The following CTBP2 variants were observed in gnomAD, a reference collection of about 807,000 sequenced individuals.
The protein encoded by CTBP2 is C-terminal-binding protein 2.
In CTBP2, 30 loss-of-function variants were observed where a neutral mutation model predicts 80.3. The observed-to-expected ratio is 0.37, with a 90% CI of 0.28 to 0.51. The LOEUF is 0.51. Ranked by LOEUF, CTBP2 falls within the 20% of genes least tolerant of loss-of-function variation. The pLI is 0.93. For synonymous variants in CTBP2, 594 were observed against 587.4 expected, an observed-to-expected ratio of 1.01 and a Z score of -0.16; for missense variants, 1,212 against 1,375.3, an observed-to-expected ratio of 0.88 and a Z score of 1.88.
At chr10:125,025,077 G>A (rs924280417) in intron 1 of CTBP2, among the ~76,000 whole-genome samples, 2 of 152,084 alleles carry the variant, frequency 1.3e-5, no homozygotes, top group Non-Finnish European at 2.9e-5. Flanking sequence ...CCCGCCTACA[G>A]CTGCTTCAGG....
At chr10:125,127,496 A>T (rs1564985633) in intron 1 of CTBP2, among the ~76,000 whole-genome samples, 1 of 152,332 alleles carries the variant, frequency 6.6e-6, no homozygotes, top group South Asian at 2.1e-4. Flanking sequence ...TTTTGGGAGA[A>T]CAGACCTGTA....
intron 1 of CTBP2, among the ~76,000 whole-genome samples, chr10:125,115,044 C>T (rs1163128769): frequency 6.6e-6 from 1 of 152,122 alleles, no homozygotes; most frequent in African/African-American, 2.4e-5. Flanking sequence ...ACTACTGTCC[C>T]GCCGTGGATG....
intron 1 of CTBP2, among the ~76,000 whole-genome samples, chr10:125,011,044 T>C (rs1199021229): frequency 6.6e-6 from 1 of 152,210 alleles, no homozygotes; most frequent in South Asian, 2.1e-4. Flanking sequence ...TCCCTCAAGT[T>C]CCCCCTGCTT....
chr10:125,144,579 A>G (rs1435565745), intron 1 of CTBP2, among the ~76,000 whole-genome samples: 2 of 152,220 alleles, frequency 1.3e-5, no homozygotes, highest in East Asian at 3.8e-4. Flanking sequence ...GTTCTAAAAC[A>G]GCAGGTATCA....
chr10:125,136,843 G>A lies in CTBP2; in HGVS notation c.-206+23476C>T, dbSNP rs114616500. Among the ~76,000 whole-genome samples, 825 of 152,272 alleles carry A rather than the reference G, an allele frequency of 5.4e-3. 4 individuals are homozygous for A. The highest frequency in any genetic ancestry group is 0.019 in the African/African-American group (791 of 41,552). ...CACAGGGACATCTAGGGGCAGAGAC[G>A]TAAAACATTCTCCCAAAATGGTAAC... On this transcript the variant is annotated intron_variant, in intron 1 of 10. Transcript: ENST00000337195.
At chr10:125,078,094 C>T (rs1291944897) in intron 2 of CTBP2, among the ~76,000 whole-genome samples, 2 of 152,152 alleles carry the variant, frequency 1.3e-5, no homozygotes, top group Non-Finnish European at 2.9e-5. Flanking sequence ...TCCTGGCTAA[C>T]ACGGTGAAAC....
At chr10:125,031,488 C>CATAA (rs1958196101), upstream of CTBP2, among the ~76,000 whole-genome samples, 2 of 33,694 alleles carry the variant, frequency 5.9e-5, no homozygotes, top group Non-Finnish European at 9.8e-5. Flanking sequence ...GACTCCATTT[C>CATAA]AAAAAAAAAA....
At chr10:125,029,958 C>G (rs1300397464), upstream of CTBP2, among the ~76,000 whole-genome samples, 1 of 152,158 alleles carries the variant, frequency 6.6e-6, no homozygotes, top group Non-Finnish European at 1.5e-5. Context: ...GCAGCATCAG[C>G]CTCCCATTGA....
At chr10:125,063,773 A>C (rs558234665) in intron 2 of CTBP2, among the ~76,000 whole-genome samples, 3 of 152,268 alleles carry the variant, frequency 2.0e-5, no homozygotes, top group Non-Finnish European at 4.4e-5. Flanking sequence ...ACAAACTTCC[A>C]AAGTAAACAA....
chr10:125,014,679 G>T (rs768765373), intron 1 of CTBP2, among the ~76,000 whole-genome samples: 2 of 152,204 alleles, frequency 1.3e-5, no homozygotes, highest in Non-Finnish European at 2.9e-5. Context: ...GCCGAGACGG[G>T]AACACCAGCC....
chr10:125,139,355 T>G (rs1857430556), intron 1 of CTBP2, among the ~76,000 whole-genome samples: 1 of 122,460 alleles, frequency 8.2e-6, no homozygotes, highest in Non-Finnish European at 1.6e-5. Context: ...ACAGCCTGGG[T>G]GACAGAGCTA....
intron 2 of CTBP2, among the ~76,000 whole-genome samples, chr10:125,044,986 GGC>G (rs1564789602): frequency 5.9e-5 from 9 of 152,132 alleles, no homozygotes; most frequent in African/African-American, 2.2e-4. Flanking sequence ...TTTTCAGAAC[GGC>G]AGCTATGGAC....
chr10:124,984,839 G>A lies in CTBP2; in HGVS notation c.*4679C>T, dbSNP rs952414079. On this transcript the variant is annotated 3_prime_UTR_variant, in exon 9 of 9. Transcript: ENST00000309035. ...GGCTGGACTGCTGTGTGACGGAGGGGGGAGTTCTGGTTGCCATGCAGAAGA... is the reference window on the plus strand; with the variant it reads ...GGCTGGACTGCTGTGTGACGGAGGGAGGAGTTCTGGTTGCCATGCAGAAGA... 7 of 1,613,992 alleles carry A rather than the reference G, an allele frequency of 4.3e-6. No individual in the cohort carries two copies. The Admixed American group carries it at 1.2e-4, about 27-fold the overall frequency.
At chr10:125,063,273 G>A (rs1018334424) in intron 2 of CTBP2, among the ~76,000 whole-genome samples, 10 of 152,216 alleles carry the variant, frequency 6.6e-5, no homozygotes, top group Non-Finnish European at 1.0e-4. Context: ...CAGCATGGGC[G>A]AATCGGTCTG....
intron 2 of CTBP2, among the ~76,000 whole-genome samples, chr10:125,039,717 C>G (rs11245480): frequency 0.32 from 48,401 of 152,120 alleles, 7,844 homozygotes; most frequent in Admixed American, 0.35. Context: ...GAAGCCCCAG[C>G]AGCTCCTAAC....
intron 1 of CTBP2, among the ~76,000 whole-genome samples, chr10:125,150,456 G>A (rs972161499): frequency 6.6e-6 from 1 of 152,186 alleles, no homozygotes; most frequent in Non-Finnish European, 1.5e-5. Context: ...GAGGAAAGAA[G>A]GAGTCTAGTC....
At chr10:125,000,616 C>G (rs919363508) in intron 3 of CTBP2, 2 of 152,296 alleles carry the variant, frequency 1.3e-5, no homozygotes, top group Non-Finnish European at 2.9e-5. Flanking sequence ...AAGCCTTGCC[C>G]TGCTCTTGCC....
intron 8 of CTBP2, among the ~76,000 whole-genome samples, chr10:124,990,717 TA>T (rs2134067675): frequency 6.6e-6 from 1 of 152,260 alleles, no homozygotes; most frequent in Admixed American, 6.5e-5. Context: ...CCTTAAGAGG[TA>T]GAGCCCTTGG....
In CTBP2 at chr10:125,134,118, C is replaced by T. The variant is rs534997349; in HGVS notation, c.-205-23025G>A. Among the ~76,000 whole-genome samples the T allele has an allele frequency of 3.9e-5, 6 of 152,332 alleles. No homozygotes were observed. In the East Asian group the frequency reaches 9.6e-4, roughly 24 times the overall value. On this transcript the variant is annotated intron_variant, in intron 1 of 10. Transcript: ENST00000337195. ...GTCCTGTCCTGGAGCGCTAGTTACT[C>T]GCTGCATGCTGTTCTGAAAATGCAA...
Sources: allele counts gnomAD v4.1 joint callset (sites outside exome capture counted in the v4.1 genomes callset), GRCh38; gene constraint gnomAD v4.1.1; transcripts MANE v1.5; gene names NCBI Gene and HGNC (gene_info 2026-07-23, HGNC 2026-07-21).